Variants in CAPN3 observed in about 807,000 individuals in gnomAD.
CAPN3 encodes calpain 3, also known as calpain-3.
A neutral mutation model predicts 114.0 loss-of-function variants in CAPN3; 88 were observed. The observed-to-expected ratio is 0.77, with a 90% CI of 0.65 to 0.92. CAPN3 has a LOEUF of 0.92. Ranked by LOEUF, CAPN3 falls within the 40% of genes least tolerant of loss-of-function variation. The pLI is 0.00. For missense variants in CAPN3, 1,028 were observed against 1,069.0 expected (o/e 0.96, Z 0.53); for synonymous variants, 386 against 382.9 (o/e 1.01, Z -0.09).
At chr15:42,394,153 C>A (rs747173724) in intron 7 of CAPN3, 103 bp from the exon 8 acceptor site, 7 of 1,043,596 alleles carry the variant, frequency 6.7e-6, no homozygotes, top group South Asian at 2.7e-5. Context: ...AACACCCTCG[C>A]GTAAGAGATT....
At chr15:42,369,630 T>C (rs762172734) in intron 1 of CAPN3, among the ~76,000 whole-genome samples, 11 of 152,230 alleles carry the variant, frequency 7.2e-5, no homozygotes, top group Non-Finnish European at 1.5e-4. Flanking sequence ...GTATGTTGCC[T>C]GTATCATTTC....
At chr15:42,406,319 A>C (rs2141211518) in intron 15 of CAPN3, among the ~76,000 whole-genome samples, 1 of 152,234 alleles carries the variant, frequency 6.6e-6, no homozygotes, top group Non-Finnish European at 1.5e-5. Flanking sequence ...CTGGGTCCAG[A>C]GTCCGTGTCC....
intron 8 of CAPN3, among the ~76,000 whole-genome samples, chr15:42,395,897 C>G (rs1027653438): frequency 2.0e-5 from 3 of 152,212 alleles, no homozygotes; most frequent in Admixed American, 2.0e-4. Flanking sequence ...GCCTGAAACA[C>G]ACATGCACTT....
intron 7 of CAPN3, among the ~76,000 whole-genome samples, chr15:42,393,747 C>T (rs1308006666): frequency 6.7e-6 from 1 of 149,058 alleles, no homozygotes; most frequent in African/African-American, 2.5e-5. Flanking sequence ...GCGCGTGTCA[C>T]CATGCCCAGC....
intron 1 of CAPN3, among the ~76,000 whole-genome samples, chr15:42,372,994 G>C (rs2052993269): frequency 6.6e-6 from 1 of 151,960 alleles, no homozygotes; most frequent in African/African-American, 2.4e-5. Context: ...TTCAAGACCA[G>C]CCTAGCCAAT....
rs557164942 is a variant in CAPN3, at chr15:42,401,763, C to G, written c.1477C>G (p.Arg493Gly). 8.7e-6 allele frequency: 14 copies of G among 1,613,892 alleles called. No individual in the cohort carries two copies. The highest frequency in any genetic ancestry group is 3.3e-5 in the Admixed American group (2 of 59,988). ...GATGCAGAAGAACCGGCGGAAGGAC[C>G]GGAAGCTAGGGGCCAGTCTCTTCAC... ...ALMQKNRRKD[R>G]KLGASLFTIG... The change falls in exon 11 of 24, where the codon CGG (arginine) becomes GGG (glycine). Residue 493 changes from arginine to glycine, a missense_variant. Physicochemically the swap from Arg to Gly is moderately radical, Grantham distance 125. Transcript: ENST00000397163.
intron 19 of CAPN3, among the ~76,000 whole-genome samples, 169 bp downstream of exon 19, chr15:42,410,164 C>T (rs760085309): frequency 4.6e-5 from 7 of 152,042 alleles, no homozygotes; most frequent in South Asian, 2.1e-4. Flanking sequence ...TTGTTAGAGG[C>T]GGAAGGGGAG....
intron 10 of CAPN3, 109 bp from the exon 11 acceptor site, chr15:42,401,532 C>A: frequency 1.7e-6 from 1 of 580,834 alleles, no homozygotes; most frequent in Non-Finnish European, 2.9e-6. Flanking sequence ...GTTGATATTT[C>A]CTAAGCACCT....
chr15:42,366,212 TAAGAC>T (rs1249026691), intron 1 of CAPN3, among the ~76,000 whole-genome samples: 1 of 152,080 alleles, frequency 6.6e-6, no homozygotes, highest in Non-Finnish European at 1.5e-5. Context: ...AATGGAAAAA[TAAGAC>T]AAAGAGTCCC....
intron 4 of CAPN3, among the ~76,000 whole-genome samples, chr15:42,388,129 A>G (rs1310164560): frequency 1.3e-5 from 2 of 152,214 alleles, no homozygotes; most frequent in African/African-American, 4.8e-5. Flanking sequence ...TTAGCTTACC[A>G]TAGCGAGTTC....
intron 6 of CAPN3, among the ~76,000 whole-genome samples, chr15:42,391,247 GCTA>G (rs2053548618): frequency 6.6e-6 from 1 of 151,164 alleles, no homozygotes; most frequent in African/African-American, 2.4e-5. Flanking sequence ...GTTTTGTTTT[GCTA>G]CTATTCTAAA....
Position 42,396,854 on chromosome 15 carries a change from G to C in CAPN3, c.1170G>C (p.Gln390His). 6.2e-7 allele frequency: 1 copy of C among 1,613,954 alleles called. No individual in the cohort carries two copies. Among genetic ancestry groups the C allele is most frequent in the Non-Finnish European group, 8.5e-7 (1 of 1,179,864 alleles). ...DKDEKARLQH[Q>H]VTEDGEFWMS... ...ATGAGAAGGCCCGTCTGCAGCACCA[G>C]GTCACTGAGGATGGAGAGTTCTGGT... is the stretch of plus-strand genomic sequence containing the variant. The change falls in exon 9 of 24, where the codon CAG becomes CAC. Residue 390 changes from glutamine (Q) to histidine (H), a missense_variant. Transcript: ENST00000397163.
rs1002595532 is a variant in CAPN3, at chr15:42,368,060, C to A, written c.309+7946C>A. On this transcript the variant is annotated intron_variant, in intron 1 of 23. Coordinates refer to ENST00000397163, the MANE Select transcript of CAPN3 (RefSeq NM_000070.3). ...ACATGGAGGACGTCAGTGCTATAAA[C>A]CTTACACAGCCAATCCTTGTTATTT... is the stretch of plus-strand genomic sequence containing the variant. Among the ~76,000 whole-genome samples, 3 of 152,338 alleles carry A rather than the reference C, an allele frequency of 2.0e-5. No homozygotes were observed. In the East Asian group the frequency reaches 5.8e-4, roughly 29 times the overall value.
chr15:42,377,519 A>G (rs183238977), intron 1 of CAPN3, among the ~76,000 whole-genome samples: 100 of 152,346 alleles, frequency 6.6e-4, no homozygotes, highest in African/African-American at 2.1e-3. Context: ...TACCTCAAAT[A>G]AATCCCACTT....
At chr15:42,364,214 A>G (rs917434244) in intron 1 of CAPN3, among the ~76,000 whole-genome samples, 2 of 141,312 alleles carry the variant, frequency 1.4e-5, no homozygotes, top group African/African-American at 3.1e-5. Flanking sequence ...TGGGCCTGCT[A>G]CCTAACACTT....
At position 42,411,001 on chromosome 15, in the gene CAPN3, G is replaced by T. The variant is rs1555423222; in HGVS notation, c.2380+1G>T. 6.2e-7 allele frequency: 1 copy of T among 1,607,854 alleles called. No homozygotes were observed. Among genetic ancestry groups the T allele is most frequent in the African/African-American group, 1.3e-5 (1 of 74,924 alleles). On this transcript the variant is annotated splice_donor_variant, in intron 22 of 23. Transcript: ENST00000397163. LOFTEE classifies it high-confidence loss of function. ...TTCGTTAGGCTGGAGGGCATGTTCAGTAAGTGGGAGAGGGGGGCTGCCCTC... is the reference window on the plus strand; with the variant it reads ...TTCGTTAGGCTGGAGGGCATGTTCATTAAGTGGGAGAGGGGGGCTGCCCTC...
At chr15:42,379,183 G>C (rs2053172347) in intron 1 of CAPN3, among the ~76,000 whole-genome samples, 1 of 152,066 alleles carries the variant, frequency 6.6e-6, no homozygotes, top group Non-Finnish European at 1.5e-5. Flanking sequence ...ATGGTGGCAT[G>C]CATCTGTAAT....
chr15:42,399,136 C>T (rs2053792509), intron 9 of CAPN3, among the ~76,000 whole-genome samples: 1 of 152,036 alleles, frequency 6.6e-6, no homozygotes, highest in African/African-American at 2.4e-5. Context: ...ATCCATTAGC[C>T]ACCCTCTTTT....
In CAPN3 at chr15:42,411,938, T is replaced by G; in HGVS notation, c.*165T>G. The G allele has an allele frequency of 1.3e-6, 2 of 1,541,078 alleles. No individual in the cohort carries two copies. The highest frequency in any genetic ancestry group is 1.8e-6 in the Non-Finnish European group (2 of 1,141,706). ...CTCCATTTTACCCCCTACCCATCCTTGATCGGTCATGCCTAGCCTGACCCT... is the reference window on the plus strand; with the variant it reads ...CTCCATTTTACCCCCTACCCATCCTGGATCGGTCATGCCTAGCCTGACCCT... On this transcript the variant is annotated 3_prime_UTR_variant, in exon 24 of 24. Coordinates refer to ENST00000397163, the MANE Select transcript of CAPN3 (RefSeq NM_000070.3).
Sources: allele counts gnomAD v4.1 joint callset (sites outside exome capture counted in the v4.1 genomes callset), GRCh38; gene constraint gnomAD v4.1.1; transcripts MANE v1.5; gene names NCBI Gene and HGNC (gene_info 2026-07-23, HGNC 2026-07-21).